The following GALNT13 variants were observed in gnomAD, a reference collection of about 807,000 sequenced individuals.
The protein encoded by GALNT13 is UDP-GalNAc:polypeptide N-acetylgalactosaminyltransferase 13.
In GALNT13, 28 loss-of-function variants were observed where a neutral mutation model predicts 64.2. The ratio of observed to expected loss-of-function variants is 0.44; its 90% CI spans 0.32 to 0.60. The LOEUF (loss-of-function observed/expected upper bound fraction) is 0.60. Ranked by LOEUF, GALNT13 falls within the 20% of genes least tolerant of loss-of-function variation. GALNT13 has a pLI of 0.05. For missense variants in GALNT13, 577 were observed against 669.8 expected (o/e 0.86, Z 1.53); for synonymous variants, 214 against 224.6 (o/e 0.95, Z 0.42).
chr2:154,382,867 T>C (rs1214145423), intron 9 of GALNT13, among the ~76,000 whole-genome samples: 1 of 152,042 alleles, frequency 6.6e-6, no homozygotes, highest in East Asian at 1.9e-4. Context: ...GAATTTGTGT[T>C]TTTCTTTGTT....
chr2:153,253,141 C>T, the GALNT13 span, among the ~76,000 whole-genome samples: 5 of 150,970 alleles, frequency 3.3e-5, no homozygotes, highest in Admixed American at 3.3e-4. Flanking sequence ...CCTCTTATTT[C>T]CTTGAGCAGT....
Position 154,354,002 on chromosome 2 carries a change from G to A in GALNT13, c.1157-41989G>A, listed in dbSNP as rs1397485757. On this transcript the variant is annotated intron_variant, in intron 9 of 12. Coordinates refer to ENST00000392825, the MANE Select transcript of GALNT13 (RefSeq NM_052917.4). ...AACCATCATACTGACTTCCATAATA[G>A]CTACACCAATCAACATTTTCACCAA... Among the ~76,000 whole-genome samples, 4 of 152,074 alleles carry A rather than the reference G, an allele frequency of 2.6e-5. No homozygotes were observed. The East Asian group carries it at 7.7e-4, about 29-fold the overall frequency.
intron 3 of GALNT13, among the ~76,000 whole-genome samples, chr2:154,059,937 G>A (rs1700086028): frequency 6.6e-6 from 1 of 152,108 alleles, no homozygotes; most frequent in Non-Finnish European, 1.5e-5. Context: ...GAATTTTTGT[G>A]TCCTCCAAAA....
chr2:154,392,671 A>G lies in GALNT13; in HGVS notation c.1157-3320A>G, dbSNP rs183171489. 4.3e-3 allele frequency among the ~76,000 whole-genome samples: 657 copies of G among 152,328 alleles called. 3 individuals are homozygous for G. Among genetic ancestry groups the G allele is most frequent in the Non-Finnish European group, 7.1e-3 (480 of 68,024 alleles). ...CTATTTTCTAAAGGATCTTCAGGCA[A>G]TGGTTAAGACAGATTCAATTATTCT... On this transcript the variant is annotated intron_variant, in intron 9 of 12. Coordinates refer to ENST00000392825, the MANE Select transcript of GALNT13 (RefSeq NM_052917.4).
At chr2:153,110,477 G>GT in the GALNT13 span, among the ~76,000 whole-genome samples, 416 of 152,142 alleles carry the variant, frequency 2.7e-3, 1 homozygote, top group African/African-American at 9.6e-3. Flanking sequence ...AATTTGGTCT[G>GT]TTTTTTTCCT....
intron 8 of GALNT13, among the ~76,000 whole-genome samples, chr2:154,278,724 A>T (rs1366865144): frequency 2.6e-5 from 4 of 152,170 alleles, no homozygotes; most frequent in Admixed American, 1.3e-4. Flanking sequence ...GCTCATAAAA[A>T]GTTTCATGAG....
At chr2:153,111,649 C>A in the GALNT13 span, among the ~76,000 whole-genome samples, 1 of 152,004 alleles carries the variant, frequency 6.6e-6, no homozygotes, top group Non-Finnish European at 1.5e-5. Context: ...GGTAAACTTT[C>A]TCACAGTTCA....
At chr2:153,933,094 T>C (rs1012614574) in intron 2 of GALNT13, among the ~76,000 whole-genome samples, 8 of 152,212 alleles carry the variant, frequency 5.3e-5, no homozygotes, top group Non-Finnish European at 1.0e-4. Flanking sequence ...ATACATCTTC[T>C]GTTTTTAAGG....
At chr2:153,784,016 G>A in the GALNT13 span, among the ~76,000 whole-genome samples, 3 of 152,232 alleles carry the variant, frequency 2.0e-5, no homozygotes, top group African/African-American at 2.4e-5. Flanking sequence ...AATGTGACCC[G>A]TAAATGTTCC....
chr2:154,392,963 A>T (rs905328147), intron 9 of GALNT13, among the ~76,000 whole-genome samples: 1 of 152,174 alleles, frequency 6.6e-6, no homozygotes, highest in South Asian at 2.1e-4. Context: ...TTAAAAATGT[A>T]TATGTGCGAG....
chr2:153,513,517 AC>A, the GALNT13 span, among the ~76,000 whole-genome samples: 12 of 152,224 alleles, frequency 7.9e-5, no homozygotes, highest in African/African-American at 2.7e-4. Flanking sequence ...TCCTTAGGTC[AC>A]TACCACCTAC....
At chr2:153,677,522 C>G in the GALNT13 span, among the ~76,000 whole-genome samples, 1 of 152,132 alleles carries the variant, frequency 6.6e-6, no homozygotes, top group African/African-American at 2.4e-5. Flanking sequence ...TATAAAACTA[C>G]CAATGGCATT....
At chr2:153,443,633 A>G in the GALNT13 span, among the ~76,000 whole-genome samples, 1 of 152,072 alleles carries the variant, frequency 6.6e-6, no homozygotes, top group East Asian at 1.9e-4. Flanking sequence ...TTGAAAGTCA[A>G]TTTCCCAGGC....
At chr2:154,122,077 G>A (rs968035165) in intron 3 of GALNT13, among the ~76,000 whole-genome samples, 6 of 151,878 alleles carry the variant, frequency 4.0e-5, no homozygotes, top group Admixed American at 6.6e-5. Context: ...GTTGGATTTC[G>A]AAATTTTATG....
the GALNT13 span, among the ~76,000 whole-genome samples, chr2:153,629,208 T>TC: frequency 6.6e-6 from 1 of 151,816 alleles, no homozygotes; most frequent in Non-Finnish European, 1.5e-5. Context: ...TTTATCATTT[T>TC]TTTTTTGCAT....
chr2:153,956,528 G>A (rs1692580851), intron 3 of GALNT13, among the ~76,000 whole-genome samples: 1 of 151,668 alleles, frequency 6.6e-6, no homozygotes, highest in Admixed American at 6.6e-5. Flanking sequence ...TAAATAACCA[G>A]TCATTTTACT....
At chr2:154,056,105 T>G (rs553599876) in intron 3 of GALNT13, among the ~76,000 whole-genome samples, 2 of 152,214 alleles carry the variant, frequency 1.3e-5, no homozygotes, top group African/African-American at 4.8e-5. Flanking sequence ...TTTTATTGCT[T>G]AGAGCTGTGC....
chr2:153,714,383 C>G, the GALNT13 span, among the ~76,000 whole-genome samples: 1 of 152,114 alleles, frequency 6.6e-6, no homozygotes, highest in Admixed American at 6.5e-5. Flanking sequence ...ATATGGGTAT[C>G]ATGTTTTTGA....
chr2:154,006,277 G>C (rs1455806353), intron 3 of GALNT13, among the ~76,000 whole-genome samples: 1 of 152,086 alleles, frequency 6.6e-6, no homozygotes, highest in Admixed American at 6.6e-5. Flanking sequence ...GTTTTAAAAA[G>C]CATGTTTGAT....
Sources: gnomAD v4.1 joint callset for allele counts (sites outside exome capture counted in the v4.1 genomes callset) on GRCh38, gnomAD v4.1.1 for gene constraint, MANE v1.5 for transcripts, NCBI Gene and HGNC (gene_info 2026-07-23, HGNC 2026-07-21) for gene names.